The following SUPT3H variants were observed in gnomAD, a reference collection of about 807,000 sequenced individuals.
The protein encoded by SUPT3H is transcription initiation protein SPT3 homolog.
A neutral mutation model predicts 44.3 loss-of-function variants in SUPT3H; 44 were observed. The ratio of observed to expected loss-of-function variants is 0.99; its 90% CI spans 0.78 to 1.28. The LOEUF (loss-of-function observed/expected upper bound fraction) is 1.28, where lower values mean the gene tolerates loss of function less well. Ranked by LOEUF, SUPT3H falls within the 50% of genes most tolerant of loss-of-function variation. SUPT3H has a pLI of 0.00. For synonymous variants in SUPT3H, 124 were observed against 125.6 expected (o/e 0.99, Z 0.09); for missense variants, 380 against 387.1 (o/e 0.98, Z 0.15).
At chr6:45,287,840 G>C (rs1032176879) in intron 2 of SUPT3H, among the ~76,000 whole-genome samples, 1 of 152,052 alleles carries the variant, frequency 6.6e-6, no homozygotes, top group South Asian at 2.1e-4. Context: ...TGCAACTTCC[G>C]AACTGTAACA....
intron 2 of SUPT3H, among the ~76,000 whole-genome samples, chr6:45,284,134 G>C (rs1162667494): frequency 6.6e-6 from 1 of 152,036 alleles, no homozygotes; most frequent in Non-Finnish European, 1.5e-5. Flanking sequence ...GCCCACAAGA[G>C]AAAGCAGGAA....
intron 3 of SUPT3H, among the ~76,000 whole-genome samples, chr6:45,039,825 A>C (rs1788247743): frequency 7.5e-6 from 1 of 132,506 alleles, no homozygotes; most frequent in Admixed American, 8.3e-5. Context: ...AACAAAAAAA[A>C]CCCTCTGACC....
intron 2 of SUPT3H, among the ~76,000 whole-genome samples, chr6:45,166,802 T>C (rs1809953113): frequency 6.6e-6 from 1 of 152,162 alleles, no homozygotes; most frequent in South Asian, 2.1e-4. Flanking sequence ...CATTAGGGAA[T>C]GCAAATTAAA....
chr6:45,262,208 G>T (rs561813273), intron 2 of SUPT3H, among the ~76,000 whole-genome samples: 62 of 152,162 alleles, frequency 4.1e-4, no homozygotes, highest in African/African-American at 1.4e-3. Context: ...ACTCTTCACA[G>T]AATTTTTTAA....
chr6:44,899,493 C>T (rs545290955), intron 10 of SUPT3H, among the ~76,000 whole-genome samples: 1 of 152,232 alleles, frequency 6.6e-6, no homozygotes, highest in Admixed American at 6.5e-5. Flanking sequence ...CGAGACCAGC[C>T]TGGCCAACAT....
chr6:45,261,807 A>G (rs537886068), intron 2 of SUPT3H, among the ~76,000 whole-genome samples: 16 of 152,286 alleles, frequency 1.1e-4, no homozygotes, highest in East Asian at 9.6e-4. Flanking sequence ...TTCAAAAATG[A>G]TATCACTCTA....
intron 10 of SUPT3H, among the ~76,000 whole-genome samples, chr6:44,837,636 T>G (rs566125104): frequency 2.6e-5 from 4 of 152,358 alleles, no homozygotes; most frequent in African/African-American, 7.2e-5. Context: ...TTTCTGGGCT[T>G]CTTCTTACTG....
At chr6:45,159,099 G>A (rs1453388402) in intron 2 of SUPT3H, 1 of 152,236 alleles carries the variant, frequency 6.6e-6, no homozygotes, top group Non-Finnish European at 1.5e-5. Context: ...GGATGACCAA[G>A]ATGTTCAGTT....
At chr6:44,932,531 A>C (rs1231903292) in intron 10 of SUPT3H, 122 bp downstream of exon 10, 1 of 637,486 alleles carries the variant, frequency 1.6e-6, no homozygotes, top group Non-Finnish European at 2.6e-6. Context: ...ACTTTTATAC[A>C]ACAAAATTAC....
In SUPT3H at chr6:44,932,222, C is replaced by G. The variant is rs567167853; in HGVS notation, c.912+431G>C. Among the ~76,000 whole-genome samples, 146 of 152,210 alleles carry G rather than the reference C, an allele frequency of 9.6e-4. 1 individual carries two copies. Among genetic ancestry groups the G allele is most frequent in the Non-Finnish European group, 1.5e-3 (101 of 67,962 alleles). ...AGGCTGTCTGCATTTCAGCTTAGTT[C>G]AAAGCCAGTAAAGAAATATCTCTTC... On this transcript the variant is annotated intron_variant, in intron 10 of 10. Coordinates refer to ENST00000371459, the MANE Select transcript of SUPT3H (RefSeq NM_003599.4).
intron 2 of SUPT3H, among the ~76,000 whole-genome samples, chr6:45,272,383 TC>T (rs1397205709): frequency 6.6e-6 from 1 of 152,128 alleles, no homozygotes; most frequent in East Asian, 1.9e-4. Flanking sequence ...TGAGTAAGTG[TC>T]ACGAGATCTG....
chr6:45,140,569 C>A (rs1020234317), intron 2 of SUPT3H, among the ~76,000 whole-genome samples: 28 of 152,216 alleles, frequency 1.8e-4, no homozygotes, highest in Non-Finnish European at 3.8e-4. Context: ...CACAGAACAA[C>A]TTCATTGCTA....
At chr6:45,217,478 A>G (rs1330419052) in intron 2 of SUPT3H, among the ~76,000 whole-genome samples, 2 of 42,096 alleles carry the variant, frequency 4.8e-5, no homozygotes, top group Non-Finnish European at 9.7e-5. Context: ...CCGCCTCAAA[A>G]ATAAAATAAA....
intron 3 of SUPT3H, among the ~76,000 whole-genome samples, chr6:45,040,956 A>C (rs952808246): frequency 6.6e-6 from 1 of 152,162 alleles, no homozygotes; most frequent in African/African-American, 2.4e-5. Flanking sequence ...TTAGCAAACA[A>C]ATCTCACCAG....
chr6:45,115,432 C>A (rs978609690), intron 2 of SUPT3H, among the ~76,000 whole-genome samples: 2 of 152,024 alleles, frequency 1.3e-5, no homozygotes, highest in African/African-American at 4.8e-5. Context: ...ATATTTTATT[C>A]TTTTCTAGAT....
chr6:44,988,776 T>C (rs1780188695), intron 6 of SUPT3H, among the ~76,000 whole-genome samples: 1 of 152,104 alleles, frequency 6.6e-6, no homozygotes, highest in Non-Finnish European at 1.5e-5. Flanking sequence ...TCCAGAAAGC[T>C]GTATCAATAT....
chr6:45,081,066 C>A (rs1795742846), intron 3 of SUPT3H, among the ~76,000 whole-genome samples: 1 of 150,092 alleles, frequency 6.7e-6, no homozygotes. Flanking sequence ...TATATATGTA[C>A]ATATATATAT....
intron 2 of SUPT3H, among the ~76,000 whole-genome samples, chr6:45,269,861 A>G (rs910031255): frequency 2.6e-5 from 4 of 152,188 alleles, no homozygotes; most frequent in African/African-American, 7.2e-5. Flanking sequence ...GCAACCATCA[A>G]CACAATCTAA....
intron 10 of SUPT3H, among the ~76,000 whole-genome samples, chr6:44,893,280 GGTTA>G (rs998229990): frequency 1.3e-5 from 2 of 152,034 alleles, no homozygotes; most frequent in African/African-American, 4.8e-5. Flanking sequence ...ACAATGTGCA[GGTTA>G]GTTACATATG....
Sources: gnomAD v4.1 joint callset for allele counts (sites outside exome capture counted in the v4.1 genomes callset) on GRCh38, gnomAD v4.1.1 for gene constraint, MANE v1.5 for transcripts, NCBI Gene and HGNC (gene_info 2026-07-23, HGNC 2026-07-21) for gene names.